RBFOX1: variants seen among roughly 807,000 people sequenced by gnomAD.
RBFOX1 encodes RNA binding protein fox-1 homolog 1.
RBFOX1 carries 8 observed loss-of-function variants against 57.7 expected under a neutral mutation model. The observed-to-expected ratio is 0.14, with a 90% confidence interval of 0.08 to 0.25. The LOEUF is 0.25. Ranked by LOEUF, RBFOX1 falls within the 10% of genes least tolerant of loss-of-function variation. The pLI, the probability that RBFOX1 is intolerant of heterozygous loss-of-function variation, is 1.00. For synonymous variants in RBFOX1, 326 were observed against 222.4 expected, an observed-to-expected ratio of 1.47 and a Z score of -4.15; for missense variants, 611 against 548.5, an observed-to-expected ratio of 1.11 and a Z score of -1.14.
chr16:6,971,488 G>A (rs551222324), intron 3 of RBFOX1, among the ~76,000 whole-genome samples: 1 of 125,896 alleles, frequency 7.9e-6, no homozygotes, highest in African/African-American at 2.5e-5. Context: ...GCAATATGAA[G>A]AGAGAGAGAG....
intron 3 of RBFOX1, among the ~76,000 whole-genome samples, chr16:6,839,922 T>C (rs562370840): frequency 6.6e-6 from 1 of 152,352 alleles, no homozygotes; most frequent in East Asian, 1.9e-4. Flanking sequence ...TGCATTATTA[T>C]GTATATTTGC....
intron 3 of RBFOX1, among the ~76,000 whole-genome samples, chr16:6,691,355 A>G (rs1019279573): frequency 2.6e-5 from 4 of 152,170 alleles, no homozygotes; most frequent in Admixed American, 2.6e-4. Context: ...TTATTTTGCC[A>G]TCATTCTTCA....
At chr16:6,276,904 A>T (rs1025052390) in intron 1 of RBFOX1, among the ~76,000 whole-genome samples, 1 of 151,690 alleles carries the variant, frequency 6.6e-6, no homozygotes, top group African/African-American at 2.4e-5. Context: ...TGTGCTTTAT[A>T]TTCGGTACTT....
At chr16:7,118,182 T>C (rs1381131390) in intron 4 of RBFOX1, among the ~76,000 whole-genome samples, 1 of 152,170 alleles carries the variant, frequency 6.6e-6, no homozygotes, top group Non-Finnish European at 1.5e-5. Context: ...GCCATAGAGG[T>C]TGTGCTAATT....
intron 3 of RBFOX1, among the ~76,000 whole-genome samples, chr16:6,709,944 G>A (rs1288424800): frequency 3.3e-5 from 5 of 152,108 alleles, no homozygotes; most frequent in Admixed American, 6.5e-5. Context: ...GAATCACTTG[G>A]CAATTTTGTG....
rs1213130309 is a variant in RBFOX1, at chr16:5,321,262, G to C, written c.219+81157G>C. On this transcript the variant is annotated intron_variant, in intron 1 of 2. Coordinates refer to the RBFOX1 transcript ENST00000585867. ...AATGTCTCCTGAGGGGTGGGAGTGAGAAGCAAAATTGACACTGGATGATCA... is the reference window on the plus strand; with the variant it reads ...AATGTCTCCTGAGGGGTGGGAGTGACAAGCAAAATTGACACTGGATGATCA... 3.9e-5 allele frequency among the ~76,000 whole-genome samples: 6 copies of C among 152,070 alleles called. No homozygotes were observed. In the South Asian group the frequency reaches 1.2e-3, roughly 32 times the overall value.
At chr16:7,569,682 A>T (rs564559753) in intron 5 of RBFOX1, among the ~76,000 whole-genome samples, 1 of 152,296 alleles carries the variant, frequency 6.6e-6, no homozygotes, top group South Asian at 2.1e-4. Flanking sequence ...AAAGCCACCA[A>T]CCACAGGTGT....
chr16:6,838,106 A>C (rs775822603), intron 3 of RBFOX1, among the ~76,000 whole-genome samples: 5 of 151,590 alleles, frequency 3.3e-5, no homozygotes, highest in Non-Finnish European at 5.9e-5. Flanking sequence ...GGTTTGCTGC[A>C]CCTATCAACC....
intron 4 of RBFOX1, among the ~76,000 whole-genome samples, chr16:7,434,462 A>T (rs1390147739): frequency 1.3e-5 from 2 of 151,640 alleles, no homozygotes; most frequent in Admixed American, 6.6e-5. Context: ...ACAGAGCAAG[A>T]CTCTGTCTCG....
At chr16:6,214,442 GAGA>G (rs2097318138) in intron 1 of RBFOX1, among the ~76,000 whole-genome samples, 1 of 144,848 alleles carries the variant, frequency 6.9e-6, no homozygotes, top group Non-Finnish European at 1.5e-5. Flanking sequence ...GAGAAGGACA[GAGA>G]AGGTGAGAGG....
intron 1 of RBFOX1, among the ~76,000 whole-genome samples, chr16:5,424,980 T>TTCA: frequency 2.0e-4 from 2 of 10,156 alleles, no homozygotes; most frequent in Admixed American, 9.7e-4. Context: ...CTTTCTTTCT[T>TTCA]TTCTTTTCTT....
At chr16:6,985,201 A>G (rs779592838) in intron 3 of RBFOX1, among the ~76,000 whole-genome samples, 16 of 142,018 alleles carry the variant, frequency 1.1e-4, no homozygotes, top group Non-Finnish European at 2.2e-4. Context: ...TTCTATTTTA[A>G]TCATGGAAAG....
chr16:6,747,445 A>AGCCT (rs1555766673), intron 3 of RBFOX1, among the ~76,000 whole-genome samples: 1 of 83,176 alleles, frequency 1.2e-5, no homozygotes, highest in East Asian at 6.4e-4. Flanking sequence ...TCAGTCAGTT[A>AGCCT]GTCTGTCTGT....
chr16:6,746,773 A>C (rs748998329), intron 3 of RBFOX1, among the ~76,000 whole-genome samples: 3 of 152,180 alleles, frequency 2.0e-5, no homozygotes, highest in Non-Finnish European at 4.4e-5. Context: ...TGATACATAT[A>C]ATCAATACTT....
At chr16:7,424,341 C>G (rs1182755838) in intron 4 of RBFOX1, among the ~76,000 whole-genome samples, 2 of 152,136 alleles carry the variant, frequency 1.3e-5, no homozygotes, top group Non-Finnish European at 2.9e-5. Context: ...CTGACTGCAA[C>G]CTCTGCATCC....
chr16:5,532,470 C>A (rs1462530099), intron 2 of RBFOX1, among the ~76,000 whole-genome samples: 2 of 152,128 alleles, frequency 1.3e-5, no homozygotes, highest in Non-Finnish European at 2.9e-5. Flanking sequence ...TTCACAAGAC[C>A]CCCTGGTGAG....
At chr16:5,497,824 C>G (rs914481768) in intron 2 of RBFOX1, among the ~76,000 whole-genome samples, 1 of 151,984 alleles carries the variant, frequency 6.6e-6, no homozygotes, top group East Asian at 1.9e-4. Context: ...TGATAATTGT[C>G]CCCAAGAATA....
At chr16:6,146,210 G>A (rs1364496699) in intron 1 of RBFOX1, among the ~76,000 whole-genome samples, 2 of 152,196 alleles carry the variant, frequency 1.3e-5, no homozygotes, top group African/African-American at 4.8e-5. Context: ...GAGAAGCCAG[G>A]AGAGACTCAG....
chr16:7,125,577 C>T (rs1011927426), intron 4 of RBFOX1, among the ~76,000 whole-genome samples: 3 of 152,100 alleles, frequency 2.0e-5, no homozygotes, highest in Admixed American at 2.0e-4. Context: ...TGGTTCTAAG[C>T]ATTTTACGGT....
Sources: allele counts gnomAD v4.1 joint callset (sites outside exome capture counted in the v4.1 genomes callset), GRCh38; gene constraint gnomAD v4.1.1; transcripts MANE v1.5; gene names NCBI Gene and HGNC (gene_info 2026-07-23, HGNC 2026-07-21).